The following PLD2 variants were observed in gnomAD, a reference collection of about 807,000 sequenced individuals.
PLD2 encodes choline phosphatase 2.
A neutral mutation model predicts 119.8 loss-of-function variants in PLD2; 101 were observed. That is an observed-to-expected ratio of 0.84 (90% CI 0.72 to 0.99). The LOEUF is 0.99. Among genes scored for constraint, PLD2 ranks in the 50% least tolerant of loss-of-function variants. PLD2 has a pLI of 0.00. For synonymous variants in PLD2, 494 were observed against 482.8 expected, an observed-to-expected ratio of 1.02 and a Z score of -0.30; for missense variants, 1,164 against 1,226.8, an observed-to-expected ratio of 0.95 and a Z score of 0.76.
chr17:4,808,942 C>G lies in PLD2; in HGVS notation c.384-158C>G, dbSNP rs369474311. Among the ~76,000 whole-genome samples the G allele has an allele frequency of 6.6e-6, 1 of 152,122 alleles. No individual in the cohort carries two copies. The highest frequency in any genetic ancestry group is 6.5e-5 in the Admixed American group (1 of 15,270). ...TTCCTGAGCTCAAGTGATCCACCTG[C>G]TGCGGCCTCCCCAAGTGCTGGGATT... On this transcript the variant is annotated intron_variant, in intron 4 of 24. Coordinates refer to ENST00000263088, the MANE Select transcript of PLD2 (RefSeq NM_002663.5). The surrounding 1 kb of genome is among the most constrained non-coding windows in gnomAD (Gnocchi z 4.1).
chr17:4,807,828 A>G lies in PLD2; in HGVS notation c.56A>G (p.Gln19Arg). ...ACTGGGGACGAACTGGACTCCAGCC[A>G]GCTCCAGATGGAGTCCGATGAGGTG... ...FPTGDELDSSQLQMESDEVDT... is the reference protein window; with the variant it reads ...FPTGDELDSSRLQMESDEVDT... Residue 19 changes from glutamine (Q) to arginine (R), a missense_variant, in exon 2 of 25, where the codon CAG (glutamine) becomes CGG (arginine). Coordinates refer to ENST00000263088, the MANE Select transcript of PLD2 (RefSeq NM_002663.5). The surrounding 1 kb of genome is among the most constrained non-coding windows in gnomAD (Gnocchi z 5.4). 6.2e-7 allele frequency: 1 copy of G among 1,613,004 alleles called. No individual in the cohort carries two copies. Among genetic ancestry groups the G allele is most frequent in the South Asian group, 1.1e-5 (1 of 91,066 alleles).
Position 4,822,953 on chromosome 17 carries a change from G to T in PLD2, c.*89G>T. ...CTTAACCCCAAGGACTGAGGGCAGT[G>T]CCCTTTGAGATCTGGGGAGGCAGGC... On this transcript the variant is annotated 3_prime_UTR_variant, in exon 25 of 25. Transcript: ENST00000263088. The T allele has an allele frequency of 1.4e-6, 1 of 718,660 alleles. No individual in the cohort carries two copies. Among genetic ancestry groups the T allele is most frequent in the Non-Finnish European group, 2.4e-6 (1 of 421,108 alleles). 44.5% of individuals were successfully genotyped at this position (718,660 alleles called of 1,614,324 possible). A position where few individuals can be genotyped will look rare whatever the true frequency, so the allele number is the denominator to read the frequency against.
At chr17:4,811,132 C>T (rs914739168) in intron 10 of PLD2, among the ~76,000 whole-genome samples, 181 bp downstream of exon 10, 27 of 85,880 alleles carry the variant, frequency 3.1e-4, no homozygotes, top group African/African-American at 1.0e-3. Context: ...TCTGATTTCG[C>T]GCCGACCTTT....
In PLD2 at chr17:4,808,168, C is replaced by T; in HGVS notation, c.240+54C>T. 1 of 1,594,486 alleles carries T rather than the reference C, an allele frequency of 6.3e-7. No homozygotes were observed. The highest frequency in any genetic ancestry group is 8.6e-7 in the Non-Finnish European group (1 of 1,166,552). On this transcript the variant is annotated intron_variant, in intron 3 of 24. Coordinates refer to ENST00000263088, the MANE Select transcript of PLD2 (RefSeq NM_002663.5). The surrounding 1 kb of genome is among the most constrained non-coding windows in gnomAD (Gnocchi z 4.1). The stretch of plus-strand genomic sequence containing the variant: ...AAGGGAGGGCGGCCCGGAATGGATC[C>T]AAGGTGGCTGGGCTGGCCCCAGGGA...
rs540125550 is a variant in PLD2 at position 4,808,301 on chromosome 17, C to T, written c.268C>T (p.Arg90Cys). ...GGGAACCTGCACTCTGTATTCTGTC[C>T]GCTTGACTCACGGCGACTTTTCCTG... is the stretch of plus-strand genomic sequence containing the variant. Reference protein sequence around the residue: ...KVGTCTLYSVRLTHGDFSWTT... With the variant: ...KVGTCTLYSVCLTHGDFSWTT... The change falls in exon 4 of 25, where the codon CGC (arginine) becomes TGC (cysteine). Residue 90 changes from arginine (R) to cysteine (C), a missense_variant. By Grantham distance (180) the Arg-to-Cys change is radical. Coordinates refer to ENST00000263088, the MANE Select transcript of PLD2 (RefSeq NM_002663.5). This position sits in a 1 kb window ranked among gnomAD's most constrained non-coding sequence, Gnocchi z 4.1. The T allele has an allele frequency of 2.7e-5, 43 of 1,613,960 alleles. No individual in the cohort carries two copies. Among genetic ancestry groups the T allele is most frequent in the Middle Eastern group, 1.6e-4 (1 of 6,084 alleles).
In PLD2 at chr17:4,808,115, G is replaced by A. The variant is rs1414320304; in HGVS notation, c.240+1G>A. 6.2e-7 allele frequency: 1 copy of A among 1,606,914 alleles called. No individual in the cohort carries two copies. The highest frequency in any genetic ancestry group is 1.1e-5 in the South Asian group (1 of 90,838). On this transcript the variant is annotated splice_donor_variant, in intron 3 of 24. Coordinates refer to ENST00000263088, the MANE Select transcript of PLD2 (RefSeq NM_002663.5). LOFTEE classifies it high-confidence loss of function. This position sits in a 1 kb window ranked among gnomAD's most constrained non-coding sequence, Gnocchi z 4.1. Reference sequence around the variant, plus strand: ...CGAAAGATATACCAGCGGATCCAAGGTGGCCAGACTGGCCCCAGGGAGGGG... The same window carrying A: ...CGAAAGATATACCAGCGGATCCAAGATGGCCAGACTGGCCCCAGGGAGGGG...
chr17:4,818,360 G>A lies in PLD2; in HGVS notation c.1984G>A (p.Val662Met). 6.2e-7 allele frequency: 1 copy of A among 1,614,196 alleles called. No individual in the cohort carries two copies. Among genetic ancestry groups the A allele is most frequent in the Admixed American group, 1.7e-5 (1 of 60,024 alleles). The change falls in exon 19 of 25, where the codon GTG becomes ATG. Residue 662 changes from valine (V) to methionine (M), a missense_variant. Val to Met is a conservative substitution (Grantham distance 21). Transcript: ENST00000263088. ...TCTGAACAAGGTGGGCGATGAGATT[G>A]TGGACAGAATCCTGAAGGCCCACAA... ...TVLNKVGDEI[V>M]DRILKAHKQG...
At position 4,817,391 on chromosome 17, in the gene PLD2, G is replaced by C; in HGVS notation, c.1815+132G>C. On this transcript the variant is annotated intron_variant, in intron 17 of 24. Coordinates refer to ENST00000263088, the MANE Select transcript of PLD2 (RefSeq NM_002663.5). ...TAAGAAGCACATCACGGCCAGGCACGGTGGCTCACGCCTATAATCCCAGCA... is the reference window on the plus strand; with the variant it reads ...TAAGAAGCACATCACGGCCAGGCACCGTGGCTCACGCCTATAATCCCAGCA... 12 of 712,674 alleles carry C rather than the reference G, an allele frequency of 1.7e-5. No homozygotes were observed. The South Asian group carries it at 1.9e-4, about 11-fold the overall frequency. The allele number at this position is 712,674 out of a possible 1,614,324, so 44.1% of individuals were successfully genotyped here. A position where few individuals can be genotyped will look rare whatever the true frequency, so the allele number is the denominator to read the frequency against.
chr17:4,814,321 G>C (rs1597327624), intron 10 of PLD2, 97 bp from the exon 11 acceptor site: 1 of 1,521,234 alleles, frequency 6.6e-7, no homozygotes, highest in East Asian at 2.4e-5. Context: ...CTTTGACCTT[G>C]CTGTCACCTC....
Position 4,815,894 on chromosome 17 carries a change from T to G in PLD2, c.1415T>G (p.Leu472Arg), listed in dbSNP as rs1182494064. Residue 472 changes from leucine (L) to arginine (R), a missense_variant, in exon 14 of 25, where the codon CTG becomes CGG. Transcript: ENST00000263088. ...CGCTGGGATGACCTGCACTACCGAC[T>G]GACTGACCTTGGAGACTCCTCTGAA... ...YGRWDDLHYRLTDLGDSSESA... is the reference protein window; with the variant it reads ...YGRWDDLHYRRTDLGDSSESA... 6.2e-7 allele frequency: 1 copy of G among 1,614,092 alleles called. No homozygotes were observed. Among genetic ancestry groups the G allele is most frequent in the Non-Finnish European group, 8.5e-7 (1 of 1,179,982 alleles).
chr17:4,820,949 C>T (rs1351367635), intron 23 of PLD2, among the ~76,000 whole-genome samples: 2 of 149,480 alleles, frequency 1.3e-5, no homozygotes, highest in African/African-American at 4.9e-5. Context: ...GTCACCCACG[C>T]TGGAGTGCAG....
intron 10 of PLD2, among the ~76,000 whole-genome samples, chr17:4,812,891 G>A (rs188314524): frequency 4.6e-5 from 7 of 152,348 alleles, no homozygotes; most frequent in Non-Finnish European, 7.3e-5. Context: ...GTGAGGAGGA[G>A]CAGTCAGAGG....
intron 17 of PLD2, 174 bp from the exon 18 acceptor site, chr17:4,817,828 C>T (rs1180192185): frequency 1.2e-5 from 6 of 518,414 alleles, no homozygotes; most frequent in South Asian, 6.4e-5. Flanking sequence ...AGTGGTGGTG[C>T]GTACCTGTAG....
At chr17:4,818,245 G>A in intron 18 of PLD2, 52 bp from the exon 19 acceptor site, 1 of 1,543,926 alleles carries the variant, frequency 6.5e-7, no homozygotes, top group Non-Finnish European at 8.9e-7. Flanking sequence ...TGGAGGCCGA[G>A]GACAGGGCCA....
Position 4,808,329 on chromosome 17 carries a change from C to CA in PLD2, c.298dup (p.Thr100AsnfsTer54). The CA allele has an allele frequency of 6.2e-7, 1 of 1,614,048 alleles. No homozygotes were observed. ...TTGACTCACGGCGACTTTTCCTGGA[C>CA]AACCAAGAAGAAATACCGTCATTTT... is the stretch of plus-strand genomic sequence containing the variant. On this transcript the variant is annotated frameshift_variant, in exon 4 of 25. Coordinates refer to ENST00000263088, the MANE Select transcript of PLD2 (RefSeq NM_002663.5). LOFTEE classifies it high-confidence loss of function. This position sits in a 1 kb window ranked among gnomAD's most constrained non-coding sequence, Gnocchi z 4.1.
chr17:4,818,808 C>G lies in PLD2; in HGVS notation c.2158C>G (p.Arg720Gly). 1 of 1,614,142 alleles carries G rather than the reference C, an allele frequency of 6.2e-7. No homozygotes were observed. The highest frequency in any genetic ancestry group is 8.5e-7 in the Non-Finnish European group (1 of 1,180,002). ...LCRGEYSILH[R>G]LKAAMGTAWR... ...TCGTGGGGAGTATTCAATCCTGCAT[C>G]GCCTTAAAGCAGCCAGTGAGTGCTG... Residue 720 changes from arginine (R) to glycine (G), a missense_variant, in exon 21 of 25, where the codon CGC becomes GGC. Arg to Gly is a moderately radical substitution (Grantham distance 125, BLOSUM62 -2). Coordinates refer to ENST00000263088, the MANE Select transcript of PLD2 (RefSeq NM_002663.5).
chr17:4,811,409 C>T (rs971816495), intron 10 of PLD2, among the ~76,000 whole-genome samples: 9 of 149,296 alleles, frequency 6.0e-5, no homozygotes, highest in African/African-American at 2.0e-4. Flanking sequence ...CCCGAGTAGC[C>T]GGGATTACAG....
In PLD2 at chr17:4,808,386, A is replaced by G; in HGVS notation, c.353A>G (p.Lys118Arg). Residue 118 changes from lysine (K) to arginine (R), a missense_variant, in exon 4 of 25, where the codon AAA becomes AGA. Coordinates refer to ENST00000263088, the MANE Select transcript of PLD2 (RefSeq NM_002663.5). This position sits in a 1 kb window ranked among gnomAD's most constrained non-coding sequence, Gnocchi z 4.1. ...QELHRDLLRH[K>R]VLMSLLPLAR... Reference sequence around the variant, plus strand: ...CTGCATCGGGACCTCCTGAGACACAAAGTCTTGATGAGTCTGCTCCCTCTG... The same window carrying G: ...CTGCATCGGGACCTCCTGAGACACAGAGTCTTGATGAGTCTGCTCCCTCTG... 2.5e-6 allele frequency: 4 copies of G among 1,613,790 alleles called. No individual in the cohort carries two copies. The highest frequency in any genetic ancestry group is 3.4e-6 in the Non-Finnish European group (4 of 1,179,880).
chr17:4,821,047 C>CAT (rs1907627070), intron 23 of PLD2, among the ~76,000 whole-genome samples: 1 of 151,546 alleles, frequency 6.6e-6, no homozygotes, highest in African/African-American at 2.4e-5. Context: ...GGATTACAGG[C>CAT]GCCCGCCACC....
Sources: allele counts gnomAD v4.1 joint callset (sites outside exome capture counted in the v4.1 genomes callset), GRCh38; gene constraint gnomAD v4.1.1; non-coding constraint Gnocchi (gnomAD v3.1); transcripts MANE v1.5; gene names NCBI Gene and HGNC (gene_info 2026-07-23, HGNC 2026-07-21).